Variants in GPHN observed in about 807,000 individuals in gnomAD.
GPHN encodes the protein gephyrin.
In GPHN, 17 loss-of-function variants were observed where a neutral mutation model predicts 95.5. That is an observed-to-expected ratio of 0.18 (90% CI 0.12 to 0.27). The LOEUF is 0.27. GPHN is among the 10% of genes least tolerant of loss of function. The pLI is 1.00. For synonymous variants in GPHN, 320 were observed against 322.5 expected (o/e 0.99, Z 0.08); for missense variants, 660 against 978.1 (o/e 0.67, Z 4.34).
chr14:67,662,442 A>G, the GPHN span: 1 of 1,581,206 alleles, frequency 6.3e-7, no homozygotes, highest in Non-Finnish European at 8.7e-7. Flanking sequence ...GACCAACACC[A>G]GGTAGAAGAA....
At chr14:67,410,111 T>A in the GPHN span, among the ~76,000 whole-genome samples, 2 of 152,124 alleles carry the variant, frequency 1.3e-5, no homozygotes, top group Non-Finnish European at 2.9e-5. Context: ...TTCTGCACCC[T>A]GGATTCCCTA....
At chr14:67,225,676 A>G in the GPHN span, among the ~76,000 whole-genome samples, 1 of 152,128 alleles carries the variant, frequency 6.6e-6, no homozygotes, top group Admixed American at 6.5e-5. Flanking sequence ...TGTCATGTAC[A>G]GTTATGTAGC....
At chr14:67,664,420 T>C in the GPHN span, among the ~76,000 whole-genome samples, 1 of 152,212 alleles carries the variant, frequency 6.6e-6, no homozygotes, top group African/African-American at 2.4e-5. Context: ...CGTATGGGGA[T>C]ATGGCCTTTT....
chr14:67,681,502 G>A, the GPHN span, among the ~76,000 whole-genome samples: 2 of 152,216 alleles, frequency 1.3e-5, no homozygotes, highest in Admixed American at 6.5e-5. Flanking sequence ...TTAGTTCAAG[G>A]CCGGGTGTGG....
chr14:67,657,961 C>T, the GPHN span, among the ~76,000 whole-genome samples: 1 of 151,898 alleles, frequency 6.6e-6, no homozygotes, highest in Admixed American at 6.5e-5. Context: ...GTTGGCCAGG[C>T]TGGTCTCGAA....
chr14:67,115,715 A>T (rs2078648680), intron 16 of GPHN, among the ~76,000 whole-genome samples: 1 of 151,736 alleles, frequency 6.6e-6, no homozygotes, highest in South Asian at 2.1e-4. Context: ...AGCCTGGGTG[A>T]GAGAGAGAGA....
chr14:66,552,611 T>C (rs2059854471), intron 1 of GPHN, among the ~76,000 whole-genome samples: 1 of 152,248 alleles, frequency 6.6e-6, no homozygotes, highest in South Asian at 2.1e-4. Context: ...GTAGATTGAC[T>C]GGCAAGCATT....
At chr14:67,067,902 G>A (rs2153655148) in intron 11 of GPHN, among the ~76,000 whole-genome samples, 1 of 152,340 alleles carries the variant, frequency 6.6e-6, no homozygotes, top group South Asian at 2.1e-4. Context: ...CCAACCCCTT[G>A]CACTTCCTGG....
the GPHN span, among the ~76,000 whole-genome samples, chr14:67,496,391 GTTTTTTTTTTTTTTTT>G: frequency 1.0e-3 from 31 of 30,106 alleles, no homozygotes; most frequent in Non-Finnish European, 1.4e-3. Context: ...CTGCTCCGGC[GTTTTTTTTTTTTTTTT>G]TTTTTTTTTT....
At chr14:66,776,544 T>TCACCAAGATG in intron 3 of GPHN, 23 bp downstream of exon 3, 1 of 1,381,700 alleles carries the variant, frequency 7.2e-7, no homozygotes, top group Non-Finnish European at 1.0e-6. Flanking sequence ...ATTTTTCACC[T>TCACCAAGATG]CTACAAACAT....
Position 66,508,238 on chromosome 14 carries a change from G to A in GPHN, c.-290G>A, listed in dbSNP as rs572233240. 9.1e-6 allele frequency: 5 copies of A among 547,852 alleles called. No individual in the cohort carries two copies. In the East Asian group the frequency reaches 1.6e-4, roughly 17 times the overall value. 33.9% of individuals were successfully genotyped at this position (547,852 alleles called of 1,614,324 possible). A position where few individuals can be genotyped will look rare whatever the true frequency, so the allele number is the denominator to read the frequency against. On this transcript the variant is annotated 5_prime_UTR_variant, in exon 1 of 23. Transcript: ENST00000478722. ...TCCGGCCTCGTTCTGCCGCCTCCGCGCGCTCTCCCCGTGCGGCCACCGCGC... is the reference window on the plus strand; with the variant it reads ...TCCGGCCTCGTTCTGCCGCCTCCGCACGCTCTCCCCGTGCGGCCACCGCGC...
chr14:66,526,554 G>A (rs2058700799), intron 1 of GPHN, among the ~76,000 whole-genome samples: 1 of 152,108 alleles, frequency 6.6e-6, no homozygotes, highest in Non-Finnish European at 1.5e-5. Flanking sequence ...CTTGTCTTGT[G>A]CTGGTTTTCA....
chr14:67,672,927 T>C, the GPHN span, among the ~76,000 whole-genome samples: 1 of 152,232 alleles, frequency 6.6e-6, no homozygotes, highest in East Asian at 1.9e-4. Flanking sequence ...TGGAACTTCC[T>C]GCTCTTCGCT....
At chr14:67,382,197 A>G in the GPHN span, among the ~76,000 whole-genome samples, 7 of 152,114 alleles carry the variant, frequency 4.6e-5, no homozygotes, top group South Asian at 1.0e-3. Flanking sequence ...AATTCTTTCT[A>G]TTCAGTATCG....
intron 1 of GPHN, among the ~76,000 whole-genome samples, chr14:66,663,298 C>A (rs878937289): frequency 6.6e-6 from 1 of 152,156 alleles, no homozygotes; most frequent in Non-Finnish European, 1.5e-5. Context: ...CCCTACATGT[C>A]AGAAGAGATT....
chr14:66,852,421 A>G (rs2062626039), intron 4 of GPHN, among the ~76,000 whole-genome samples: 1 of 152,246 alleles, frequency 6.6e-6, no homozygotes. Flanking sequence ...ACCTGTGCAC[A>G]CATTCACGCG....
chr14:67,297,717 TG>T, the GPHN span, among the ~76,000 whole-genome samples: 3 of 152,204 alleles, frequency 2.0e-5, no homozygotes, highest in Admixed American at 6.5e-5. Flanking sequence ...AGTGTCTATG[TG>T]GGTAATAAAG....
At chr14:66,679,710 TCA>T (rs2066828477) in intron 1 of GPHN, among the ~76,000 whole-genome samples, 1 of 152,204 alleles carries the variant, frequency 6.6e-6, no homozygotes, top group Non-Finnish European at 1.5e-5. Flanking sequence ...CTGTATTCAG[TCA>T]GTTATAAAAC....
chr14:67,645,826 A>G, the GPHN span: 1 of 1,612,204 alleles, frequency 6.2e-7, no homozygotes, highest in Non-Finnish European at 8.5e-7. Flanking sequence ...AACGAAAAGA[A>G]AGGTGAATGG....
Sources: gnomAD v4.1 joint callset for allele counts (sites outside exome capture counted in the v4.1 genomes callset) on GRCh38, gnomAD v4.1.1 for gene constraint, MANE v1.5 for transcripts, NCBI Gene and HGNC (gene_info 2026-07-23, HGNC 2026-07-21) for gene names.